The following ZDHHC7 variants were observed in gnomAD, a reference collection of about 807,000 sequenced individuals.
ZDHHC7 encodes palmitoyltransferase ZDHHC7.
In ZDHHC7, 12 loss-of-function variants were observed where a neutral mutation model predicts 34.1. That is an observed-to-expected ratio of 0.35 (90% CI 0.23 to 0.57). The LOEUF (loss-of-function observed/expected upper bound fraction) is 0.57, where lower values mean the gene tolerates loss of function less well. Among genes scored for constraint, ZDHHC7 ranks in the 20% least tolerant of loss-of-function variants. The pLI is 0.84. For missense variants in ZDHHC7, 388 were observed against 402.7 expected (o/e 0.96, Z 0.31); for synonymous variants, 185 against 155.4 (o/e 1.19, Z -1.42).
the ZDHHC7 span, among the ~76,000 whole-genome samples, chr16:85,021,753 G>C: frequency 6.6e-6 from 1 of 151,010 alleles, no homozygotes; most frequent in Non-Finnish European, 1.5e-5. Context: ...GAGAACAAGA[G>C]AGAGAGAAAG....
chr16:85,000,166 T>C (rs1188352222), intron 1 of ZDHHC7, among the ~76,000 whole-genome samples: 1 of 151,976 alleles, frequency 6.6e-6, no homozygotes, highest in Non-Finnish European at 1.5e-5. Flanking sequence ...AAATTGTGCA[T>C]TTCACTGTAC....
chr16:84,980,541 G>A (rs575661293), intron 4 of ZDHHC7, among the ~76,000 whole-genome samples: 1 of 151,954 alleles, frequency 6.6e-6, no homozygotes, highest in East Asian at 2.0e-4. Context: ...ATGGTGGCGG[G>A]CGCCTGTAAT....
chr16:84,976,358 C>A lies in ZDHHC7; in HGVS notation c.912G>T (p.Pro304=). The part of the protein sequence containing the change: ...RLPTRPRKGG[P]EFSV The stretch of plus-strand genomic sequence containing the variant: ...GAGCCACGCCTCACACTGAGAACTC[C>A]GGGCCACCTTTTCTGGGTCTCGTGG... Residue 304 remains proline (P), a synonymous_variant, in exon 8 of 8, where the codon CCG becomes CCT. Coordinates refer to ENST00000313732, the MANE Select transcript of ZDHHC7 (RefSeq NM_017740.3). The A allele has an allele frequency of 6.2e-7, 1 of 1,614,004 alleles. No individual in the cohort carries two copies. The highest frequency in any genetic ancestry group is 8.5e-7 in the Non-Finnish European group (1 of 1,180,008).
the ZDHHC7 span, among the ~76,000 whole-genome samples, chr16:85,021,904 C>T: frequency 2.0e-5 from 3 of 151,798 alleles, no homozygotes; most frequent in Non-Finnish European, 4.4e-5. Context: ...CGCCTGTAAT[C>T]GCAGCACTTT....
the ZDHHC7 span, among the ~76,000 whole-genome samples, chr16:85,019,831 G>C: frequency 6.6e-6 from 1 of 152,200 alleles, no homozygotes; most frequent in Admixed American, 6.5e-5. Context: ...GGACCAGAGA[G>C]GTTGAGCAGT....
chr16:85,018,213 T>A, the ZDHHC7 span, among the ~76,000 whole-genome samples: 1 of 151,960 alleles, frequency 6.6e-6, no homozygotes, highest in East Asian at 1.9e-4. Context: ...CCCTGGATTA[T>A]TCTTGTCTCA....
intron 3 of ZDHHC7, 57 bp downstream of exon 3, chr16:84,990,247 C>T: frequency 6.3e-7 from 1 of 1,577,478 alleles, no homozygotes; most frequent in Non-Finnish European, 8.6e-7. Context: ...GTCAGCCACA[C>T]CCGAGGACAC....
rs1329436227 is a variant in ZDHHC7 at position 84,976,201 on chromosome 16, T to C, written c.*142A>G. On this transcript the variant is annotated 3_prime_UTR_variant, in exon 8 of 8. Coordinates refer to ENST00000313732, the MANE Select transcript of ZDHHC7 (RefSeq NM_017740.3). ...CCTCTGCCATCTGTGACTATAAATA[T>C]ATAAAACTCTGCTTGCTGCAAGCAA... 6 of 1,049,710 alleles carry C rather than the reference T, an allele frequency of 5.7e-6. No homozygotes were observed. Among genetic ancestry groups the C allele is most frequent in the Non-Finnish European group, 7.0e-6 (5 of 718,884 alleles). 65.0% of individuals were successfully genotyped at this position (1,049,710 alleles called of 1,614,324 possible).
At chr16:85,003,261 G>T (rs1399827123) in intron 1 of ZDHHC7, among the ~76,000 whole-genome samples, 1 of 152,186 alleles carries the variant, frequency 6.6e-6, no homozygotes, top group Admixed American at 6.5e-5. Flanking sequence ...GGTCCAGGGG[G>T]GCGCTGTAAG....
chr16:85,009,709 C>CTTTTTTTTT (rs543110602), intron 1 of ZDHHC7, among the ~76,000 whole-genome samples: 1 of 126,626 alleles, frequency 7.9e-6, no homozygotes, highest in Non-Finnish European at 1.7e-5. Flanking sequence ...GACTTTTTTT[C>CTTTTTTTTT]TTTTTTTTTT....
At position 84,976,440 on chromosome 16, in the gene ZDHHC7, C is replaced by T. The variant is rs1255467521; in HGVS notation, c.830G>A (p.Gly277Glu). 6.2e-7 allele frequency: 1 copy of T among 1,613,970 alleles called. No homozygotes were observed. The highest frequency in any genetic ancestry group is 1.3e-5 in the African/African-American group (1 of 74,902). Reference sequence around the variant, plus strand: ...ATTCATCCAGAGGAGTGAGGGGGGCCCCCCAAAGACGGACTTCATCCCTTC... The same window carrying T: ...ATTCATCCAGAGGAGTGAGGGGGGCTCCCCAAAGACGGACTTCATCCCTTC... ...RWEGMKSVFG[G>E]PPSLLWMNPF... is the part of the protein sequence containing the mutation. Residue 277 changes from glycine to glutamate, a missense_variant, in exon 8 of 8, where the codon GGG becomes GAG. Gly to Glu is a moderately conservative substitution (Grantham distance 98). Transcript: ENST00000313732.
intron 2 of ZDHHC7, among the ~76,000 whole-genome samples, chr16:84,991,914 G>C (rs1454984890): frequency 6.6e-6 from 1 of 152,058 alleles, no homozygotes; most frequent in East Asian, 1.9e-4. Flanking sequence ...AAAGAAAAAA[G>C]TAGGACCGGG....
intron 3 of ZDHHC7, among the ~76,000 whole-genome samples, chr16:84,987,478 C>G (rs1398756883): frequency 4.0e-5 from 6 of 151,456 alleles, no homozygotes; most frequent in Admixed American, 1.3e-4. Context: ...CCCTTCCCCA[C>G]AAGATTTTTT....
intron 1 of ZDHHC7, among the ~76,000 whole-genome samples, chr16:84,997,684 G>A (rs567809607): frequency 6.6e-6 from 1 of 150,658 alleles, no homozygotes; most frequent in Non-Finnish European, 1.5e-5. Flanking sequence ...CACAAGGTCA[G>A]GAGATCGAGA....
chr16:84,998,840 G>A (rs985245494), intron 1 of ZDHHC7, among the ~76,000 whole-genome samples: 2 of 139,110 alleles, frequency 1.4e-5, no homozygotes, highest in South Asian at 2.4e-4. Flanking sequence ...CGCAACTTCC[G>A]CCTCTGGGGT....
chr16:84,981,746 TACA>T, intron 4 of ZDHHC7, 121 bp downstream of exon 4: 1 of 1,561,964 alleles, frequency 6.4e-7, no homozygotes, highest in East Asian at 2.3e-5. Flanking sequence ...GCCCCGCCCG[TACA>T]ACGTTGCCCA....
upstream of ZDHHC7, among the ~76,000 whole-genome samples, chr16:85,012,549 C>T (rs182301424): frequency 2.4e-4 from 36 of 152,004 alleles, no homozygotes; most frequent in Non-Finnish European, 4.0e-4. Flanking sequence ...CCCCATAAGA[C>T]GAGATAACCC....
intron 3 of ZDHHC7, among the ~76,000 whole-genome samples, chr16:84,988,600 G>A (rs1431382311): frequency 2.0e-5 from 3 of 152,138 alleles, no homozygotes; most frequent in Admixed American, 6.6e-5. Flanking sequence ...GGCCTTTTCC[G>A]CAGGAGCAGG....
At chr16:84,979,127 C>T in intron 5 of ZDHHC7, 62 bp downstream of exon 5, 2 of 1,507,576 alleles carry the variant, frequency 1.3e-6, no homozygotes, top group Middle Eastern at 2.2e-4. Flanking sequence ...CTGCTCCAGG[C>T]AAGAAGCAGT....
Sources: allele counts gnomAD v4.1 joint callset (sites outside exome capture counted in the v4.1 genomes callset), GRCh38; gene constraint gnomAD v4.1.1; transcripts MANE v1.5; gene names NCBI Gene and HGNC (gene_info 2026-07-23, HGNC 2026-07-21).